The following COPB2 variants were observed in gnomAD, a reference collection of about 807,000 sequenced individuals.
COPB2 encodes coatomer subunit beta'.
Under a neutral mutation model 120.8 loss-of-function variants are expected in COPB2, and 16 were observed. The ratio of observed to expected loss-of-function variants is 0.13; its 90% CI spans 0.09 to 0.20. COPB2 has a LOEUF of 0.20. Ranked by LOEUF, COPB2 falls within the 10% of genes least tolerant of loss-of-function variation. The pLI is 1.00. For synonymous variants in COPB2, 332 were observed against 366.3 expected (o/e 0.91, Z 1.07); for missense variants, 794 against 1,076.5 (o/e 0.74, Z 3.67).
chr3:139,387,280 A>AAAAG (rs780111047), intron 1 of COPB2, among the ~76,000 whole-genome samples: 7 of 152,160 alleles, frequency 4.6e-5, no homozygotes, highest in South Asian at 4.1e-4. Flanking sequence ...GAAAAGAAAG[A>AAAAG]AAAGAAAGAA....
At chr3:139,380,906 C>T (rs1273380275) in intron 2 of COPB2, 1 of 152,146 alleles carries the variant, frequency 6.6e-6, no homozygotes, top group African/African-American at 2.4e-5. Context: ...ATCTGCTGAG[C>T]AGTAAAAATA....
chr3:139,365,113 T>A lies in COPB2; in HGVS notation c.1884+1455A>T, dbSNP rs115011140. 9.8e-3 allele frequency among the ~76,000 whole-genome samples: 1,487 copies of A among 152,224 alleles called. 26 individuals are homozygous for A. The highest frequency in any genetic ancestry group is 0.033 in the African/African-American group (1,382 of 41,528). ...ATACAGAAAACGAAGGATATCACCA[T>A]AGAACGATTCATGAAAATCCTTCAG... is the stretch of plus-strand genomic sequence containing the variant. On this transcript the variant is annotated intron_variant, in intron 15 of 21. Coordinates refer to ENST00000333188, the MANE Select transcript of COPB2 (RefSeq NM_004766.3).
intron 1 of COPB2, chr3:139,388,384 A>G (rs1941969657): frequency 2.1e-5 from 3 of 144,820 alleles, no homozygotes; most frequent in African/African-American, 7.5e-5. Context: ...AATTAAAAAA[A>G]AAAAGAAGGT....
Position 139,382,732 on chromosome 3 carries a change from G to A in COPB2, c.141+566C>T, listed in dbSNP as rs182532810. On this transcript the variant is annotated intron_variant, in intron 2 of 21. Transcript: ENST00000333188. ...TATATGCTTTGTACTCTTAAATACA[G>A]TCTAGGAAGACTGGAAAATATGAGA... 2.0e-3 allele frequency: 340 copies of A among 165,998 alleles called. 1 individual carries two copies. The highest frequency in any genetic ancestry group is 2.2e-3 in the Non-Finnish European group (169 of 77,352). 10.3% of individuals were successfully genotyped at this position (165,998 alleles called of 1,614,324 possible).
intron 20 of COPB2, 162 bp from the exon 21 acceptor site, chr3:139,358,433 C>CT (rs1941336023): frequency 1.5e-6 from 1 of 657,422 alleles, no homozygotes; most frequent in East Asian, 2.7e-5. Context: ...AATCCCAGCA[C>CT]TTTGGGAGGC....
At chr3:139,366,914 T>G in intron 14 of COPB2, 101 bp downstream of exon 14, 1 of 1,503,052 alleles carries the variant, frequency 6.7e-7, no homozygotes, top group South Asian at 1.3e-5. Flanking sequence ...CTACTAAAAC[T>G]ATAACACTGA....
At chr3:139,378,910 G>T in intron 4 of COPB2, 137 bp downstream of exon 4, 2 of 795,178 alleles carry the variant, frequency 2.5e-6, no homozygotes, top group Non-Finnish European at 3.8e-6. Context: ...CAATAGCACA[G>T]TAATGGATCT....
intron 1 of COPB2, among the ~76,000 whole-genome samples, chr3:139,386,176 CAG>C (rs1941916470): frequency 6.6e-6 from 1 of 152,160 alleles, no homozygotes; most frequent in African/African-American, 2.4e-5. Flanking sequence ...TTTAAAAGAT[CAG>C]AGTTCTCTGG....
chr3:139,364,426 A>C (rs925937914), intron 15 of COPB2, among the ~76,000 whole-genome samples: 2 of 152,182 alleles, frequency 1.3e-5, no homozygotes, highest in Non-Finnish European at 2.9e-5. Flanking sequence ...GAAAAAGTAC[A>C]GAGTATCAAA....
intron 9 of COPB2, among the ~76,000 whole-genome samples, chr3:139,372,937 C>T (rs967807006): frequency 1.3e-5 from 2 of 152,212 alleles, no homozygotes; most frequent in Non-Finnish European, 2.9e-5. Context: ...CACAAAAACA[C>T]AAACTCAATG....
At chr3:139,358,059 A>G (rs112036996) in intron 21 of COPB2, 101 bp from the exon 22 acceptor site, 12 of 1,012,268 alleles carry the variant, frequency 1.2e-5, no homozygotes, top group African/African-American at 1.1e-4. Context: ...TTTTCTTAAT[A>G]GTCAAAAAGA....
chr3:139,368,941 A>T (rs1296562226), intron 12 of COPB2, among the ~76,000 whole-genome samples: 1 of 152,222 alleles, frequency 6.6e-6, no homozygotes, highest in Non-Finnish European at 1.5e-5. Context: ...TTTCTGAACT[A>T]TGTGGAAGAA....
chr3:139,359,466 A>G (rs565437720), intron 17 of COPB2, 104 bp from the exon 18 acceptor site: 51 of 917,722 alleles, frequency 5.6e-5, no homozygotes, highest in Middle Eastern at 2.2e-4. Context: ...AATCTCCCCA[A>G]TCTTCACACA....
intron 10 of COPB2, among the ~76,000 whole-genome samples, chr3:139,370,822 A>G (rs905935417): frequency 1.3e-5 from 2 of 152,258 alleles, no homozygotes; most frequent in African/African-American, 2.4e-5. Flanking sequence ...TTCATCAACT[A>G]TAATTTTGCT....
In COPB2 at chr3:139,368,280, C is replaced by A. The variant is rs1281409559; in HGVS notation, c.1410G>T (p.Trp470Cys). 8 of 1,607,498 alleles carry A rather than the reference C, an allele frequency of 5.0e-6. No homozygotes were observed. Among genetic ancestry groups the A allele is most frequent in the African/African-American group, 1.3e-5 (1 of 74,694 alleles). ...TACAGACTAGCTCTCCAGAGTCAGA[C>A]CAGAAAATCTGCAACACAACAAAAT... is the stretch of plus-strand genomic sequence containing the variant. Reference protein sequence around the residue: ...RIEIQPKHIFWSDSGELVCIA... With the variant: ...RIEIQPKHIFCSDSGELVCIA... Residue 470 changes from tryptophan to cysteine, a missense_variant, in exon 13 of 22, where the codon TGG (tryptophan) becomes TGT (cysteine). By Grantham distance (215) the Trp-to-Cys change is radical. Coordinates refer to ENST00000333188, the MANE Select transcript of COPB2 (RefSeq NM_004766.3).
At chr3:139,358,150 T>A in intron 21 of COPB2, 50 bp downstream of exon 21, 2 of 1,504,564 alleles carry the variant, frequency 1.3e-6, no homozygotes, top group South Asian at 2.3e-5. Flanking sequence ...CAGATATTGA[T>A]GGGGAGGAAG....
chr3:139,365,791 C>T (rs1259810899), intron 15 of COPB2, among the ~76,000 whole-genome samples: 1 of 152,114 alleles, frequency 6.6e-6, no homozygotes, highest in Admixed American at 6.5e-5. Flanking sequence ...CTAGGGAAAA[C>T]AAACAATTGC....
At chr3:139,389,456 G>A in intron 1 of COPB2, 92 bp downstream of exon 1, 2 of 1,432,092 alleles carry the variant, frequency 1.4e-6, no homozygotes, top group South Asian at 1.5e-5. Context: ...CGGGAGCCCA[G>A]ACCACTGCTT....
At chr3:139,386,836 T>C (rs1941933962) in intron 1 of COPB2, among the ~76,000 whole-genome samples, 1 of 151,982 alleles carries the variant, frequency 6.6e-6, no homozygotes, top group Non-Finnish European at 1.5e-5. Flanking sequence ...GCTCCATAAG[T>C]TGGGCCAATG....
Sources: allele counts gnomAD v4.1 joint callset (sites outside exome capture counted in the v4.1 genomes callset), GRCh38; gene constraint gnomAD v4.1.1; transcripts MANE v1.5; gene names NCBI Gene and HGNC (gene_info 2026-07-23, HGNC 2026-07-21).